VAT1L: variants seen among roughly 807,000 people sequenced by gnomAD.
VAT1L encodes putative NADPH-dependent quinone oxidoreductase VAT1L.
Under a neutral mutation model 44.1 loss-of-function variants are expected in VAT1L, and 34 were observed. The observed-to-expected ratio is 0.77, with a 90% CI of 0.59 to 1.03. The LOEUF (loss-of-function observed/expected upper bound fraction) is 1.03. Among genes scored for constraint, VAT1L ranks in the 50% least tolerant of loss-of-function variants. The probability of loss-of-function intolerance (pLI) is 0.00; values close to 1 mark genes in which losing one functional copy is unlikely to be tolerated. For synonymous variants in VAT1L, 253 were observed against 202.2 expected (o/e 1.25, Z -2.13); for missense variants, 615 against 538.8 (o/e 1.14, Z -1.40).
rs2018282451 is a variant in VAT1L at position 77,971,922 on chromosome 16, C to T, written c.1150C>T (p.Pro384Ser). 1 of 1,613,764 alleles carries T rather than the reference C, an allele frequency of 6.2e-7. No individual in the cohort carries two copies. The highest frequency in any genetic ancestry group is 1.1e-5 in the South Asian group (1 of 91,028). The change falls in exon 8 of 9, where the codon CCA becomes TCA. Residue 384 changes from proline to serine, a missense_variant. Physicochemically the swap from Pro to Ser is moderately conservative, Grantham distance 74 (BLOSUM62 -1). Coordinates refer to ENST00000302536, the MANE Select transcript of VAT1L (RefSeq NM_020927.3). Reference sequence around the variant, plus strand: ...GTTAATTCTGGATGTAGAAAAGACCCCAACTCCACTGGTGAGTGAAAAGCA... The same window carrying T: ...GTTAATTCTGGATGTAGAAAAGACCTCAACTCCACTGGTGAGTGAAAAGCA... ...GKLILDVEKT[P>S]TPLMANDSTE...
At chr16:77,953,509 A>C (rs900350483) in intron 7 of VAT1L, among the ~76,000 whole-genome samples, 2 of 152,076 alleles carry the variant, frequency 1.3e-5, no homozygotes, top group Non-Finnish European at 2.9e-5. Flanking sequence ...TTTTCATTTG[A>C]CAGAACACCT....
intron 7 of VAT1L, among the ~76,000 whole-genome samples, chr16:77,934,219 T>C (rs1286586933): frequency 6.6e-6 from 1 of 151,960 alleles, no homozygotes; most frequent in Non-Finnish European, 1.5e-5. Flanking sequence ...GACGTAAAGA[T>C]TGAGGGGAAG....
At chr16:77,798,747 C>T (rs745500940) in intron 1 of VAT1L, among the ~76,000 whole-genome samples, 1 of 152,108 alleles carries the variant, frequency 6.6e-6, no homozygotes, top group Admixed American at 6.5e-5. Flanking sequence ...ATGACATATA[C>T]AAGAAGATCA....
rs187952669 is a variant in VAT1L at position 77,879,264 on chromosome 16, T to C, written c.882+40T>C. ...ACATCTGATGTACTGTGGTGGCATGTTGATTCACATGTTGAGAGCTTTGTT... is the reference window on the plus strand; with the variant it reads ...ACATCTGATGTACTGTGGTGGCATGCTGATTCACATGTTGAGAGCTTTGTT... On this transcript the variant is annotated intron_variant, in intron 6 of 8. Transcript: ENST00000302536. The surrounding 1 kb of genome is among the most constrained non-coding windows in gnomAD (Gnocchi z 4.1). 2.3e-5 allele frequency: 36 copies of C among 1,589,068 alleles called. No homozygotes were observed. The African/African-American group carries it at 4.6e-4, about 20-fold the overall frequency.
chr16:77,902,148 A>G (rs2017389747), intron 7 of VAT1L, among the ~76,000 whole-genome samples: 1 of 152,252 alleles, frequency 6.6e-6, no homozygotes, highest in Non-Finnish European at 1.5e-5. Flanking sequence ...AAAACAAAGC[A>G]TACACAGCCC....
chr16:77,816,923 G>A lies in VAT1L; in HGVS notation c.236G>A (p.Gly79Glu). 6.2e-7 allele frequency: 1 copy of A among 1,613,074 alleles called. No individual in the cohort carries two copies. The highest frequency in any genetic ancestry group is 8.5e-7 in the Non-Finnish European group (1 of 1,179,532). The change falls in exon 2 of 9, where the codon GGA (glycine) becomes GAA (glutamate). Residue 79 changes from glycine to glutamate, a missense_variant and splice_region_variant. Transcript: ENST00000302536. ...GELKIRVKAC[G>E]LNFIDLMVRQ... ...CCTTTCACATTTGCTCTTTACAGTG[G>A]ATTAAACTTCATTGACTTGATGGTG... is the stretch of plus-strand genomic sequence containing the variant.
intron 7 of VAT1L, among the ~76,000 whole-genome samples, chr16:77,927,930 A>T (rs2017688555): frequency 6.6e-6 from 1 of 152,226 alleles, no homozygotes; most frequent in Non-Finnish European, 1.5e-5. Flanking sequence ...TACCACTAGT[A>T]TCCCTGATCT....
chr16:77,953,462 G>C (rs2018067284), intron 7 of VAT1L, among the ~76,000 whole-genome samples: 1 of 152,212 alleles, frequency 6.6e-6, no homozygotes. Flanking sequence ...TTACTTGGTT[G>C]AAGTTATAGC....
At chr16:77,975,410 C>T (rs1042321145) in intron 8 of VAT1L, among the ~76,000 whole-genome samples, 2 of 151,936 alleles carry the variant, frequency 1.3e-5, no homozygotes, top group Admixed American at 1.3e-4. Context: ...TGGGGTTTCA[C>T]CATGTTGGCC....
At position 77,972,314 on chromosome 16, in the gene VAT1L, AT is replaced by A. The variant is rs964350665; in HGVS notation, c.1161+391del. Among the ~76,000 whole-genome samples the A allele has an allele frequency of 4.0e-5, 6 of 150,600 alleles. No individual in the cohort carries two copies. The South Asian group carries it at 8.4e-4, about 21-fold the overall frequency. On this transcript the variant is annotated intron_variant, in intron 8 of 8. Coordinates refer to ENST00000302536, the MANE Select transcript of VAT1L (RefSeq NM_020927.3). The stretch of plus-strand genomic sequence containing the variant: ...GAGATGCTCCCTGATGGTTCCACAG[AT>A]TTTTTTTTTCTTTCTTTCAGAGAGA...
At chr16:77,887,249 G>C (rs1463468000) in intron 7 of VAT1L, among the ~76,000 whole-genome samples, 1 of 152,190 alleles carries the variant, frequency 6.6e-6, no homozygotes, top group African/African-American at 2.4e-5. Context: ...AGTCTGAGTA[G>C]GTTAACAAGG....
intron 3 of VAT1L, among the ~76,000 whole-genome samples, chr16:77,838,149 T>G (rs2016660526): frequency 6.6e-6 from 1 of 152,224 alleles, no homozygotes; most frequent in Non-Finnish European, 1.5e-5. Flanking sequence ...AGCTCTATAG[T>G]TCTGGCCCCT....
chr16:77,863,662 A>G (rs1396124273), intron 4 of VAT1L, among the ~76,000 whole-genome samples: 1 of 152,204 alleles, frequency 6.6e-6, no homozygotes, highest in East Asian at 1.9e-4. Flanking sequence ...GAGGAATGCA[A>G]GAGCCTCAGA....
chr16:77,816,174 G>C (rs961892989), intron 1 of VAT1L, among the ~76,000 whole-genome samples: 1 of 151,960 alleles, frequency 6.6e-6, no homozygotes, highest in African/African-American at 2.4e-5. Context: ...TGATGACTTT[G>C]ATATATTTTA....
intron 3 of VAT1L, among the ~76,000 whole-genome samples, chr16:77,860,913 A>G (rs1472021973): frequency 6.6e-6 from 1 of 152,242 alleles, no homozygotes; most frequent in East Asian, 1.9e-4. Flanking sequence ...TGTCAAAATA[A>G]GTAGACAGCA....
At chr16:77,853,699 T>G (rs929205905) in intron 3 of VAT1L, among the ~76,000 whole-genome samples, 1 of 152,068 alleles carries the variant, frequency 6.6e-6, no homozygotes, top group Non-Finnish European at 1.5e-5. Context: ...GGAATCTGCA[T>G]TACAGCAAGT....
intron 5 of VAT1L, among the ~76,000 whole-genome samples, chr16:77,878,786 G>A (rs912573883): frequency 6.6e-6 from 1 of 152,092 alleles, no homozygotes; most frequent in Admixed American, 6.6e-5. Flanking sequence ...CTCACTTGCT[G>A]GGGAATCAAA....
chr16:77,812,805 T>C (rs982004118), intron 1 of VAT1L, among the ~76,000 whole-genome samples: 2 of 152,178 alleles, frequency 1.3e-5, no homozygotes, highest in African/African-American at 2.4e-5. Context: ...CTTCATTCCT[T>C]CAGGATGCCA....
At chr16:77,801,517 C>A (rs1304911982) in intron 1 of VAT1L, 1 of 152,244 alleles carries the variant, frequency 6.6e-6, no homozygotes, top group Admixed American at 6.5e-5. Flanking sequence ...TGTTATTGTT[C>A]CCAGAATACA....
Sources: gnomAD v4.1 joint callset for allele counts (sites outside exome capture counted in the v4.1 genomes callset) on GRCh38, gnomAD v4.1.1 for gene constraint, Gnocchi (gnomAD v3.1) non-coding constraint, MANE v1.5 for transcripts, NCBI Gene and HGNC (gene_info 2026-07-23, HGNC 2026-07-21) for gene names.